The following PHLDB2 variants were observed in gnomAD, a reference collection of about 807,000 sequenced individuals.
PHLDB2 encodes the protein pleckstrin homology like domain family B member 2.
A neutral mutation model predicts 123.6 loss-of-function variants in PHLDB2; 71 were observed. That is an observed-to-expected ratio of 0.57 (90% CI 0.47 to 0.70). The LOEUF is 0.70. Among genes scored for constraint, PHLDB2 ranks in the 30% least tolerant of loss-of-function variants. The probability of loss-of-function intolerance (pLI) is 0.00; values close to 1 mark genes in which losing one functional copy is unlikely to be tolerated. For synonymous variants in PHLDB2, 547 were observed against 541.6 expected, an observed-to-expected ratio of 1.01 and a Z score of -0.14; for missense variants, 1,446 against 1,519.5, an observed-to-expected ratio of 0.95 and a Z score of 0.80.
rs77132251 is a variant in PHLDB2, at chr3:111,848,307, C to G, written c.67+2372C>G. Reference sequence around the variant, plus strand: ...TATTCATCAAGGGTAAGGTTACCCCCCGCCACCTGCCACTAGGGATCCTTC... The same window carrying G: ...TATTCATCAAGGGTAAGGTTACCCCGCGCCACCTGCCACTAGGGATCCTTC... On this transcript the variant is annotated intron_variant, in intron 2 of 17. Transcript: ENST00000393923. Among the ~76,000 whole-genome samples, 1,280 of 152,256 alleles carry G rather than the reference C, an allele frequency of 8.4e-3. 24 individuals carry two copies. The highest frequency in any genetic ancestry group is 0.029 in the African/African-American group (1,194 of 41,534).
At chr3:111,849,745 C>A (rs944362467) in intron 2 of PHLDB2, among the ~76,000 whole-genome samples, 1 of 152,110 alleles carries the variant, frequency 6.6e-6, no homozygotes, top group African/African-American at 2.4e-5. Flanking sequence ...AACCTAAGTG[C>A]CTATCAACTA....
intron 16 of PHLDB2, among the ~76,000 whole-genome samples, chr3:111,971,263 CA>C (rs1278308334): frequency 6.6e-6 from 1 of 152,142 alleles, no homozygotes; most frequent in Non-Finnish European, 1.5e-5. Context: ...GAACTTCACA[CA>C]AAACTGCTTC....
chr3:111,757,846 TGGAGTTTGCTA>T lies in PHLDB2; in HGVS notation c.-49+25145_-49+25155del, dbSNP rs2059922689. On this transcript the variant is annotated intron_variant, in intron 1 of 17. Transcript: ENST00000393923. ...CAACAGACCTCAGCTGCAGGTCTGT[TGGAGTTTGCTA>T]GAAGTCCACTCCAGACACTGTTTGC... Among the ~76,000 whole-genome samples the T allele has an allele frequency of 9.2e-5, 14 of 152,344 alleles. No homozygotes were observed. The South Asian group carries it at 2.9e-3, about 32-fold the overall frequency.
At chr3:111,966,532 GT>G in intron 13 of PHLDB2, 80 bp from the exon 14 acceptor site, 1 of 781,170 alleles carries the variant, frequency 1.3e-6, no homozygotes, top group Non-Finnish European at 2.1e-6. Context: ...TCTGGGGTGT[GT>G]GTGTGTGTGT....
intron 1 of PHLDB2, among the ~76,000 whole-genome samples, chr3:111,807,648 A>C (rs527961286): frequency 2.6e-5 from 4 of 152,122 alleles, no homozygotes; most frequent in Non-Finnish European, 4.4e-5. Flanking sequence ...AGTCCTGACT[A>C]CTCAGGAAGC....
intron 2 of PHLDB2, among the ~76,000 whole-genome samples, chr3:111,848,744 A>C (rs958067401): frequency 2.6e-5 from 4 of 152,244 alleles, no homozygotes; most frequent in African/African-American, 7.2e-5. Flanking sequence ...ATGTCTTATC[A>C]TCTGGTGACA....
In PHLDB2 at chr3:111,975,932, C is replaced by G. The variant is rs960406579; in HGVS notation, c.*1369C>G. On this transcript the variant is annotated 3_prime_UTR_variant, in exon 18 of 18. Coordinates refer to ENST00000431670, the MANE Select transcript of PHLDB2 (RefSeq NM_001134438.2). Reference sequence around the variant, plus strand: ...GTTAATTTGCAGTGTGGTTTGTATACACGTATACGTGTTATCAATAATAAG... The same window carrying G: ...GTTAATTTGCAGTGTGGTTTGTATAGACGTATACGTGTTATCAATAATAAG... 6.6e-6 allele frequency: 1 copy of G among 152,616 alleles called. No individual in the cohort carries two copies. Among genetic ancestry groups the G allele is most frequent in the African/African-American group, 2.4e-5 (1 of 41,442 alleles). 9.5% of individuals were successfully genotyped at this position (152,616 alleles called of 1,614,324 possible).
chr3:111,890,985 A>C (rs1319245934), intron 2 of PHLDB2, among the ~76,000 whole-genome samples: 7 of 152,182 alleles, frequency 4.6e-5, no homozygotes, highest in Admixed American at 4.6e-4. Flanking sequence ...AGAGTGACTA[A>C]GTACAAGTGA....
intron 1 of PHLDB2, among the ~76,000 whole-genome samples, chr3:111,815,480 T>A (rs6438016): frequency 0.33 from 49,953 of 152,032 alleles, 8,583 homozygotes; most frequent in East Asian, 0.42. Context: ...ATGAGGAATT[T>A]GTTGGAAACT....
At chr3:111,736,938 G>T (rs556896047) in intron 1 of PHLDB2, among the ~76,000 whole-genome samples, 1 of 152,278 alleles carries the variant, frequency 6.6e-6, no homozygotes, top group African/African-American at 2.4e-5. Context: ...CTAGAGAACG[G>T]TATACATGAG....
intron 1 of PHLDB2, among the ~76,000 whole-genome samples, chr3:111,866,013 C>CTTTTTTTTTTTTTTTTTT (rs1239058039): frequency 8.4e-5 from 4 of 47,662 alleles, no homozygotes; most frequent in Non-Finnish European, 1.7e-4. Flanking sequence ...CCCACCCACT[C>CTTTTTTTTTTTTTTTTTT]ATTTTTTTTT....
intron 1 of PHLDB2, among the ~76,000 whole-genome samples, chr3:111,860,384 G>A (rs2064766912): frequency 6.6e-6 from 1 of 152,224 alleles, no homozygotes; most frequent in South Asian, 2.1e-4. Context: ...CAGTGTGGCC[G>A]TCTCGGCACC....
chr3:111,732,749 ATGAGCAGC>A (rs1354098722), intron 1 of PHLDB2: 2 of 1,473,594 alleles, frequency 1.4e-6, no homozygotes, highest in Non-Finnish European at 9.2e-7. Context: ...TAATAACAAA[ATGAGCAGC>A]ATATACAGCC....
At chr3:111,839,940 C>CTCTTT (rs2063601288) in intron 1 of PHLDB2, among the ~76,000 whole-genome samples, 1 of 64,938 alleles carries the variant, frequency 1.5e-5, no homozygotes, top group Admixed American at 2.7e-4. Flanking sequence ...CCCACCCCCG[C>CTCTTT]TTTTTTTTTT....
At chr3:111,798,498 G>T (rs965891302) in intron 1 of PHLDB2, among the ~76,000 whole-genome samples, 13 of 152,002 alleles carry the variant, frequency 8.6e-5, no homozygotes, top group African/African-American at 3.1e-4. Flanking sequence ...AAACTGCAAT[G>T]AAATTATTAA....
At chr3:111,876,983 G>A (rs912701435) in intron 1 of PHLDB2, among the ~76,000 whole-genome samples, 2 of 152,074 alleles carry the variant, frequency 1.3e-5, no homozygotes, top group Non-Finnish European at 2.9e-5. Flanking sequence ...TGGGCATTTG[G>A]GTTCGTTCCA....
chr3:111,859,090 C>T, upstream of PHLDB2: 1 of 869,438 alleles, frequency 1.2e-6, no homozygotes, highest in Non-Finnish European at 1.4e-6. Context: ...TTTTGCAAAC[C>T]TGCTTTCTGA....
chr3:111,789,585 T>C (rs1345605526), intron 1 of PHLDB2, among the ~76,000 whole-genome samples: 1 of 152,210 alleles, frequency 6.6e-6, no homozygotes, highest in African/African-American at 2.4e-5. Flanking sequence ...TCTTTATTAA[T>C]TTTGTGGACT....
chr3:111,859,634 G>A (rs948967196), intron 1 of PHLDB2, 58 bp downstream of exon 1: 7 of 985,140 alleles, frequency 7.1e-6, no homozygotes, highest in Non-Finnish European at 8.4e-6. Flanking sequence ...CCGTGTGCCA[G>A]GAGTGCGTCC....
Sources: allele counts gnomAD v4.1 joint callset (sites outside exome capture counted in the v4.1 genomes callset), GRCh38; gene constraint gnomAD v4.1.1; transcripts MANE v1.5; gene names NCBI Gene and HGNC (gene_info 2026-07-23, HGNC 2026-07-21).